The following RYR2 variants were observed in gnomAD, a reference collection of about 807,000 sequenced individuals.
RYR2 encodes the protein ryanodine receptor 2.
In RYR2, 227 loss-of-function variants were observed where a neutral mutation model predicts 601.1. That is an observed-to-expected ratio of 0.38 (90% CI 0.34 to 0.42). The LOEUF (loss-of-function observed/expected upper bound fraction) is 0.42, where lower values mean the gene tolerates loss of function less well. Ranked by LOEUF, RYR2 falls within the 10% of genes least tolerant of loss-of-function variation. The pLI, the probability that RYR2 is intolerant of heterozygous loss-of-function variation, is 1.00. For missense variants in RYR2, 4,646 were observed against 6,156.5 expected (o/e 0.75, Z 8.21); for synonymous variants, 2,223 against 2,175.1 (o/e 1.02, Z -0.61).
intron 60 of RYR2, among the ~76,000 whole-genome samples, chr1:237,676,466 C>T (rs1685406938): frequency 6.6e-6 from 1 of 152,128 alleles, no homozygotes; most frequent in African/African-American, 2.4e-5. Context: ...AGAAAGTAGG[C>T]TACAATGACA....
chr1:237,686,638 G>A (rs1686418726), intron 62 of RYR2, among the ~76,000 whole-genome samples: 1 of 152,084 alleles, frequency 6.6e-6, no homozygotes, highest in Non-Finnish European at 1.5e-5. Flanking sequence ...AAACAGCAGG[G>A]ATCTCCCAGG....
In RYR2 at chr1:237,428,626, C is replaced by A. The variant is rs150277662; in HGVS notation, c.1005+5378C>A. ...GGCGGGGGTGCAAGGGGAGGGAGAG[C>A]ATCAGGACTAATAGCTAATGCATGT... On this transcript the variant is annotated intron_variant, in intron 12 of 104. Coordinates refer to ENST00000366574, the MANE Select transcript of RYR2 (RefSeq NM_001035.3). Among the ~76,000 whole-genome samples, 879 of 151,622 alleles carry A rather than the reference C, an allele frequency of 5.8e-3. 12 individuals carry two copies. The highest frequency in any genetic ancestry group is 0.02 in the African/African-American group (845 of 41,280).
At position 237,700,142 on chromosome 1, in the gene RYR2, A is replaced by T; in HGVS notation, c.9129-87A>T. The T allele has an allele frequency of 5.6e-6, 5 of 899,214 alleles. No homozygotes were observed. The South Asian group carries it at 9.4e-5, about 17-fold the overall frequency. 55.7% of individuals were successfully genotyped at this position (899,214 alleles called of 1,614,324 possible). On this transcript the variant is annotated intron_variant, in intron 64 of 104. Transcript: ENST00000366574. ...TTACCAGGTGAGTAGAGTAATGGAG[A>T]AATAAACATCATAAGAGAACCACAA...
intron 47 of RYR2, among the ~76,000 whole-genome samples, chr1:237,641,866 T>A (rs1303974980): frequency 6.6e-6 from 1 of 152,256 alleles, no homozygotes; most frequent in Admixed American, 6.5e-5. Context: ...CTGAAACTTT[T>A]TGACCCAAAT....
At chr1:237,636,161 ATATT>A (rs1262200191) in intron 44 of RYR2, among the ~76,000 whole-genome samples, 4 of 151,508 alleles carry the variant, frequency 2.6e-5, no homozygotes, top group African/African-American at 4.8e-5. Context: ...TTTTAAATAT[ATATT>A]AAGATAATTG....
intron 1 of RYR2, among the ~76,000 whole-genome samples, chr1:237,078,790 A>G (rs577297941): frequency 7.7e-6 from 1 of 130,550 alleles, no homozygotes; most frequent in Admixed American, 8.0e-5. Context: ...GGCCAGCATC[A>G]TTCTGATACC....
At chr1:237,758,353 T>C (rs1693126553) in intron 82 of RYR2, among the ~76,000 whole-genome samples, 2 of 152,138 alleles carry the variant, frequency 1.3e-5, no homozygotes, top group South Asian at 4.1e-4. Context: ...CAAATATATA[T>C]CCCACCATCT....
chr1:237,051,534 G>A (rs1363758189), intron 1 of RYR2, among the ~76,000 whole-genome samples: 1 of 151,970 alleles, frequency 6.6e-6, no homozygotes, highest in Non-Finnish European at 1.5e-5. Flanking sequence ...CAGGCTGAGA[G>A]GAGTTCCTCT....
At chr1:237,444,069 A>G in intron 13 of RYR2, among the ~76,000 whole-genome samples, 1 of 152,162 alleles carries the variant, frequency 6.6e-6, no homozygotes, top group East Asian at 1.9e-4. Context: ...TGGTTTTGCC[A>G]TGGAGTTGCA....
At chr1:237,645,391 T>C (rs1682016616) in intron 48 of RYR2, among the ~76,000 whole-genome samples, 1 of 152,262 alleles carries the variant, frequency 6.6e-6, no homozygotes, top group Non-Finnish European at 1.5e-5. Flanking sequence ...CTTCCTTTGC[T>C]GTCTCTGTAC....
chr1:237,129,064 G>A (rs1271389476), intron 1 of RYR2, among the ~76,000 whole-genome samples: 2 of 152,150 alleles, frequency 1.3e-5, no homozygotes, highest in Admixed American at 6.5e-5. Context: ...AGACATTCAA[G>A]GGCAAATGGA....
Position 237,417,856 on chromosome 1 carries a change from C to T in RYR2, c.848+733C>T, listed in dbSNP as rs988284148. 2.0e-5 allele frequency among the ~76,000 whole-genome samples: 3 copies of T among 151,962 alleles called. No homozygotes were observed. In the South Asian group the frequency reaches 6.2e-4, roughly 32 times the overall value. On this transcript the variant is annotated intron_variant, in intron 11 of 104. Coordinates refer to ENST00000366574, the MANE Select transcript of RYR2 (RefSeq NM_001035.3). Reference sequence around the variant, plus strand: ...TTTAAAAATAATTCGAAGCTTTAGTCCTTTGCCTAAAAGCAGTAAATTTTC... The same window carrying T: ...TTTAAAAATAATTCGAAGCTTTAGTTCTTTGCCTAAAAGCAGTAAATTTTC...
At chr1:237,342,891 T>C (rs1697950707) in intron 3 of RYR2, among the ~76,000 whole-genome samples, 1 of 152,136 alleles carries the variant, frequency 6.6e-6, no homozygotes, top group Non-Finnish European at 1.5e-5. Context: ...AAGAACATAT[T>C]GAAAGCCTTG....
chr1:237,607,689 C>T (rs976453895), intron 35 of RYR2, among the ~76,000 whole-genome samples: 1 of 152,130 alleles, frequency 6.6e-6, no homozygotes, highest in African/African-American at 2.4e-5. Context: ...TTAGTTTGGA[C>T]AATTTGACCA....
At chr1:237,428,497 A>G (rs1285530383) in intron 12 of RYR2, among the ~76,000 whole-genome samples, 1 of 152,120 alleles carries the variant, frequency 6.6e-6, no homozygotes, top group Non-Finnish European at 1.5e-5. Context: ...TAACACAGGA[A>G]CAGAAAACCA....
At chr1:237,429,791 G>A (rs1223604340) in intron 12 of RYR2, among the ~76,000 whole-genome samples, 3 of 152,082 alleles carry the variant, frequency 2.0e-5, no homozygotes, top group Non-Finnish European at 4.4e-5. Flanking sequence ...AGTTGTGGTT[G>A]GGGGTGGGAG....
At chr1:237,530,352 G>T in intron 24 of RYR2, 75 bp from the exon 25 acceptor site, 3 of 1,048,736 alleles carry the variant, frequency 2.9e-6, no homozygotes, top group Non-Finnish European at 2.9e-6. Context: ...GTATCTCATT[G>T]CTACTGCTGC....
At chr1:237,575,460 C>T (rs1011196743) in intron 29 of RYR2, among the ~76,000 whole-genome samples, 9 of 152,114 alleles carry the variant, frequency 5.9e-5, no homozygotes, top group African/African-American at 2.2e-4. Context: ...CCTCAAGAGC[C>T]TAGTGGAGGT....
At chr1:237,224,006 A>G (rs1400885734) in intron 1 of RYR2, among the ~76,000 whole-genome samples, 4 of 152,210 alleles carry the variant, frequency 2.6e-5, no homozygotes, top group African/African-American at 9.6e-5. Context: ...AATTTAGAGA[A>G]TGGAATCTAA....
Sources: allele counts gnomAD v4.1 joint callset (sites outside exome capture counted in the v4.1 genomes callset), GRCh38; gene constraint gnomAD v4.1.1; transcripts MANE v1.5; gene names NCBI Gene and HGNC (gene_info 2026-07-23, HGNC 2026-07-21).